The following PCDHA7 variants were observed in gnomAD, a reference collection of about 807,000 sequenced individuals.
The protein encoded by PCDHA7 is protocadherin alpha 7.
PCDHA7 carries 37 observed loss-of-function variants against 57.2 expected under a neutral mutation model. The ratio of observed to expected loss-of-function variants is 0.65; its 90% CI spans 0.50 to 0.85. PCDHA7 has a LOEUF of 0.85. Ranked by LOEUF, PCDHA7 falls within the 40% of genes least tolerant of loss-of-function variation. The pLI is 0.00. For missense variants in PCDHA7, 1,188 were observed against 1,241.8 expected, an observed-to-expected ratio of 0.96 and a Z score of 0.65; for synonymous variants, 553 against 558.8, an observed-to-expected ratio of 0.99 and a Z score of 0.15.
intron 1 of PCDHA7, chr5:140,849,712 C>G (rs782768269): frequency 6.3e-7 from 1 of 1,598,502 alleles, no homozygotes; most frequent in Non-Finnish European, 8.6e-7. Context: ...AATTACTACT[C>G]GTTGGTGCTG....
At chr5:140,943,248 ACT>A (rs1250099362) in intron 1 of PCDHA7, among the ~76,000 whole-genome samples, 2 of 133,008 alleles carry the variant, frequency 1.5e-5, no homozygotes, top group Non-Finnish European at 3.1e-5. Flanking sequence ...ACAGAGTGAG[ACT>A]CTGTCTCAAA....
In PCDHA7 at chr5:141,010,661, C is replaced by T. The variant is rs1331706826; in HGVS notation, c.*724C>T. ...AACAGTTCAGTGTTTTAACAGAGAA[C>T]CACCCTGGGAAACAGAAGCAGATCT... On this transcript the variant is annotated 3_prime_UTR_variant, in exon 4 of 4. Transcript: ENST00000525929. 6.0e-6 allele frequency: 1 copy of T among 166,290 alleles called. No homozygotes were observed. Among genetic ancestry groups the T allele is most frequent in the Non-Finnish European group, 1.3e-5 (1 of 76,066 alleles). 10.3% of individuals were successfully genotyped at this position (166,290 alleles called of 1,614,324 possible).
intron 1 of PCDHA7, chr5:140,966,173 A>C (rs2095976741): frequency 5.4e-6 from 1 of 184,728 alleles, no homozygotes; most frequent in Admixed American, 6.2e-5. Context: ...TTTCCTGGGG[A>C]GCTGATAGCC....
chr5:140,897,946 T>G (rs1311278458), intron 1 of PCDHA7, among the ~76,000 whole-genome samples: 1 of 152,276 alleles, frequency 6.6e-6, no homozygotes, highest in African/African-American at 2.4e-5. Context: ...CCAGTGATGA[T>G]TAGCATTTTT....
At chr5:140,981,392 G>A (rs565370456) in intron 2 of PCDHA7, among the ~76,000 whole-genome samples, 1 of 152,208 alleles carries the variant, frequency 6.6e-6, no homozygotes, top group South Asian at 2.1e-4. Context: ...TGGTCAATAT[G>A]GTGAAAACCT....
At chr5:140,931,008 A>G (rs1554208204) in intron 1 of PCDHA7, among the ~76,000 whole-genome samples, 2 of 152,224 alleles carry the variant, frequency 1.3e-5, no homozygotes, top group African/African-American at 2.4e-5. Flanking sequence ...ATAACATAAC[A>G]GAGGAATTTT....
chr5:140,891,234 G>A (rs1477518444), intron 1 of PCDHA7, among the ~76,000 whole-genome samples: 2 of 151,932 alleles, frequency 1.3e-5, no homozygotes, highest in Non-Finnish European at 2.9e-5. Context: ...ATCCTGTTCT[G>A]GATTCAGTAG....
At chr5:140,977,140 G>A (rs2096748068) in intron 1 of PCDHA7, among the ~76,000 whole-genome samples, 1 of 152,202 alleles carries the variant, frequency 6.6e-6, no homozygotes, top group Non-Finnish European at 1.5e-5. Context: ...GGTCAGTCCT[G>A]CTGGAACTGT....
At chr5:140,862,583 A>C in intron 1 of PCDHA7, 1 of 494,044 alleles carries the variant, frequency 2.0e-6, no homozygotes, top group South Asian at 1.6e-5. Flanking sequence ...GCGTTCCAGC[A>C]GCCCGAGTAC....
Position 141,009,803 on chromosome 5 carries a change from C to G in PCDHA7, c.2680C>G (p.Gln894Glu). 6.2e-7 allele frequency: 1 copy of G among 1,613,968 alleles called. No individual in the cohort carries two copies. The highest frequency in any genetic ancestry group is 8.5e-7 in the Non-Finnish European group (1 of 1,179,994). ...CATCCGGCAGGAGCCTACTAACAGC[C>G]AAATTGACAAAAGTGACTTCATAAC... ...ISIRQEPTNS[Q>E]IDKSDFITFG... Residue 894 changes from glutamine to glutamate, a missense_variant, in exon 4 of 4, where the codon CAA (glutamine) becomes GAA (glutamate). Physicochemically the swap from Gln to Glu is conservative, Grantham distance 29 (BLOSUM62 2). Coordinates refer to ENST00000525929, the MANE Select transcript of PCDHA7 (RefSeq NM_018910.3).
At chr5:140,898,751 A>G (rs2066956971) in intron 1 of PCDHA7, among the ~76,000 whole-genome samples, 1 of 152,050 alleles carries the variant, frequency 6.6e-6, no homozygotes, top group Admixed American at 6.6e-5. Context: ...CTTGATGGGG[A>G]TGGCATTGAA....
At chr5:140,882,535 G>A (rs2059175245) in intron 1 of PCDHA7, 4 of 1,614,232 alleles carry the variant, frequency 2.5e-6, no homozygotes, top group East Asian at 2.2e-5. Flanking sequence ...TGAATTCTCG[G>A]ATCGACCGCG....
chr5:140,927,886 G>C, intron 1 of PCDHA7: 1 of 1,614,210 alleles, frequency 6.2e-7, no homozygotes, highest in Non-Finnish European at 8.5e-7. Flanking sequence ...GGAGGTGACT[G>C]ACGTGAACGA....
At chr5:140,843,154 G>T in intron 1 of PCDHA7, 3 of 1,596,128 alleles carry the variant, frequency 1.9e-6, no homozygotes, top group Non-Finnish European at 2.6e-6. Context: ...CGTATGAGCT[G>T]CAGCCAGCTG....
chr5:140,883,159 G>T (rs782151764), intron 1 of PCDHA7: 3 of 1,613,846 alleles, frequency 1.9e-6, no homozygotes, highest in South Asian at 1.1e-5. Flanking sequence ...CCATAAATCC[G>T]AACAATGGAG....
chr5:140,946,216 C>T (rs1361042644), intron 1 of PCDHA7, among the ~76,000 whole-genome samples: 1 of 151,868 alleles, frequency 6.6e-6, no homozygotes, highest in Non-Finnish European at 1.5e-5. Flanking sequence ...AAATGACCAA[C>T]AGGTATACTA....
chr5:140,861,028 C>G (rs954598633), intron 1 of PCDHA7: 1 of 152,238 alleles, frequency 6.6e-6, no homozygotes, highest in African/African-American at 2.4e-5. Context: ...CGCACCCGGC[C>G]GAAAGGTATT....
chr5:140,973,653 A>G (rs2096597249), intron 1 of PCDHA7, among the ~76,000 whole-genome samples: 1 of 152,202 alleles, frequency 6.6e-6, no homozygotes, highest in African/African-American at 2.4e-5. Context: ...TGAAGAAGAA[A>G]TCTATTTATT....
intron 1 of PCDHA7, among the ~76,000 whole-genome samples, chr5:140,910,919 T>G (rs2075230231): frequency 6.6e-6 from 1 of 152,154 alleles, no homozygotes; most frequent in Admixed American, 6.5e-5. Flanking sequence ...TTTTTGCTTA[T>G]ATAAATAAGA....
Sources: gnomAD v4.1 joint callset for allele counts (sites outside exome capture counted in the v4.1 genomes callset) on GRCh38, gnomAD v4.1.1 for gene constraint, MANE v1.5 for transcripts, NCBI Gene and HGNC (gene_info 2026-07-23, HGNC 2026-07-21) for gene names.